The following RSRC1 variants were observed in gnomAD, a reference collection of about 807,000 sequenced individuals.
RSRC1 encodes the protein serine/Arginine-related protein 53.
Under a neutral mutation model 49.1 loss-of-function variants are expected in RSRC1, and 39 were observed. That is an observed-to-expected ratio of 0.79 (90% CI 0.61 to 1.04). The LOEUF (loss-of-function observed/expected upper bound fraction) is 1.04. RSRC1 is among the 50% of genes least tolerant of loss of function. The pLI, the probability that RSRC1 is intolerant of heterozygous loss-of-function variation, is 0.00. For missense variants in RSRC1, 388 were observed against 402.4 expected, an observed-to-expected ratio of 0.96 and a Z score of 0.31; for synonymous variants, 143 against 130.8, an observed-to-expected ratio of 1.09 and a Z score of -0.63.
rs1396942276 is a variant in RSRC1, at chr3:158,228,991, T to TGTATATGTGTGTATAAACACAC, written c.494+25746_494+25747insGTATATGTGTGTATAAACACAC. ...GTGTATATGTGTGTATAAACACACA[T>TGTATATGTGTGTATAAACACAC]ACGTGTATATGTGTGTATAAACACA... On this transcript the variant is annotated intron_variant, in intron 4 of 9. Coordinates refer to ENST00000611884, the MANE Select transcript of RSRC1 (RefSeq NM_001271838.2). Among the ~76,000 whole-genome samples, 4 of 68,816 alleles carry TGTATATGTGTGTATAAACACAC rather than the reference T, an allele frequency of 5.8e-5. 1 individual carries two copies. The highest frequency in any genetic ancestry group is 5.5e-4 in the South Asian group (1 of 1,830). 45.1% of individuals were successfully genotyped at this position (68,816 alleles called of 152,430 possible). A position where few individuals can be genotyped will look rare whatever the true frequency, so the allele number is the denominator to read the frequency against.
chr3:158,521,538 G>T (rs950350553), intron 7 of RSRC1, among the ~76,000 whole-genome samples: 1 of 151,978 alleles, frequency 6.6e-6, no homozygotes, highest in Non-Finnish European at 1.5e-5. Context: ...GATCATATTT[G>T]CACTTTAGTA....
At chr3:158,392,853 C>T (rs573676007) in intron 6 of RSRC1, among the ~76,000 whole-genome samples, 3 of 152,056 alleles carry the variant, frequency 2.0e-5, no homozygotes, top group Non-Finnish European at 2.9e-5. Flanking sequence ...GCAGAACTCT[C>T]CACCTAAAAA....
Position 158,475,723 on chromosome 3 carries a change from CCTCT to C in RSRC1, c.652+14740_652+14743del, listed in dbSNP as rs3037125. On this transcript the variant is annotated intron_variant, in intron 7 of 9. Coordinates refer to ENST00000611884, the MANE Select transcript of RSRC1 (RefSeq NM_001271838.2). ...CTGACTGCTCCACTGACTGGCTATT[CCTCT>C]CTCTCTCTCTCTCTCTCTCCCTGGC... 1.3e-3 allele frequency among the ~76,000 whole-genome samples: 190 copies of C among 148,868 alleles called. 1 individual carries two copies. The highest frequency in any genetic ancestry group is 3.9e-3 in the African/African-American group (158 of 40,624).
intron 5 of RSRC1, among the ~76,000 whole-genome samples, chr3:158,321,632 T>A (rs1361706094): frequency 6.6e-6 from 1 of 151,544 alleles, no homozygotes; most frequent in South Asian, 2.1e-4. Flanking sequence ...CTGTATTAAG[T>A]TGGTGCAAAA....
intron 4 of RSRC1, among the ~76,000 whole-genome samples, chr3:158,217,353 T>G (rs1384526499): frequency 1.3e-5 from 2 of 151,700 alleles, no homozygotes; most frequent in Non-Finnish European, 3.0e-5. Context: ...GTGACTGGGC[T>G]GGTCACTTAA....
chr3:158,436,693 A>G (rs1736059760), intron 6 of RSRC1, among the ~76,000 whole-genome samples: 1 of 151,904 alleles, frequency 6.6e-6, no homozygotes, highest in African/African-American at 2.4e-5. Context: ...CATGCATTTT[A>G]AACAATAATT....
At chr3:158,240,928 A>G (rs827172) in intron 4 of RSRC1, among the ~76,000 whole-genome samples, 93,365 of 152,012 alleles carry the variant, frequency 0.61, 29,053 homozygotes, top group East Asian at 0.73. Flanking sequence ...GAGTGAGAAA[A>G]ATCACATTTT....
intron 3 of RSRC1, among the ~76,000 whole-genome samples, chr3:158,197,796 G>A (rs1343138565): frequency 1.3e-5 from 2 of 152,104 alleles, no homozygotes; most frequent in African/African-American, 2.4e-5. Context: ...ATGTAGTTGA[G>A]CGGTTTTGAG....
chr3:158,371,018 C>G (rs367918183), intron 6 of RSRC1, among the ~76,000 whole-genome samples: 1 of 151,714 alleles, frequency 6.6e-6, no homozygotes, highest in Admixed American at 6.6e-5. Context: ...ATTTAATGTG[C>G]CTTCCTGTGG....
intron 6 of RSRC1, among the ~76,000 whole-genome samples, chr3:158,444,086 A>C (rs1560045255): frequency 6.6e-6 from 1 of 152,168 alleles, no homozygotes; most frequent in Non-Finnish European, 1.5e-5. Flanking sequence ...CAACAGATGT[A>C]ATAATAGCTA....
At chr3:158,222,285 T>A (rs773972693) in intron 4 of RSRC1, among the ~76,000 whole-genome samples, 41 of 151,528 alleles carry the variant, frequency 2.7e-4, no homozygotes, top group Non-Finnish European at 5.6e-4. Flanking sequence ...TTTCTAAGGA[T>A]CTGCTCCTAT....
At chr3:158,150,068 T>C (rs1717429995) in intron 3 of RSRC1, among the ~76,000 whole-genome samples, 1 of 152,230 alleles carries the variant, frequency 6.6e-6, no homozygotes. Flanking sequence ...GTAAACTTTT[T>C]TGTTCCAAAA....
chr3:158,252,243 GCTCCACCTCCCGGGTT>G (rs1191988821), intron 4 of RSRC1, among the ~76,000 whole-genome samples: 2 of 151,272 alleles, frequency 1.3e-5, no homozygotes, highest in Non-Finnish European at 2.9e-5. Flanking sequence ...CTCACCGCAA[GCTCCACCTCCCGGGTT>G]CACGCCATTC....
chr3:158,499,948 T>C (rs1739517430), intron 7 of RSRC1, among the ~76,000 whole-genome samples: 1 of 152,180 alleles, frequency 6.6e-6, no homozygotes, highest in East Asian at 1.9e-4. Flanking sequence ...GTTCCAGCTC[T>C]CAGAGGGAAT....
intron 4 of RSRC1, among the ~76,000 whole-genome samples, chr3:158,250,150 T>G (rs1293726810): frequency 6.6e-6 from 1 of 152,236 alleles, no homozygotes; most frequent in Non-Finnish European, 1.5e-5. Flanking sequence ...AGGATCTCAT[T>G]CATTTTTATG....
intron 4 of RSRC1, among the ~76,000 whole-genome samples, chr3:158,283,603 T>C (rs1726311176): frequency 6.6e-6 from 1 of 152,202 alleles, no homozygotes; most frequent in Non-Finnish European, 1.5e-5. Context: ...TGTATGGTTA[T>C]TATATTTTAT....
At chr3:158,163,138 G>A (rs911954216) in intron 3 of RSRC1, among the ~76,000 whole-genome samples, 13 of 152,014 alleles carry the variant, frequency 8.6e-5, no homozygotes, top group Non-Finnish European at 1.9e-4. Context: ...CTAGTAGCTG[G>A]GATTACAGGC....
chr3:158,134,733 T>G (rs763769917), intron 3 of RSRC1, among the ~76,000 whole-genome samples: 16 of 152,212 alleles, frequency 1.1e-4, no homozygotes, highest in Non-Finnish European at 1.3e-4. Flanking sequence ...GCTTTCACTC[T>G]AAGAGTTCTA....
intron 7 of RSRC1, among the ~76,000 whole-genome samples, chr3:158,522,924 G>GA (rs1479562811): frequency 6.6e-6 from 1 of 151,984 alleles, no homozygotes; most frequent in Non-Finnish European, 1.5e-5. Flanking sequence ...GACCAAAAAA[G>GA]AAAAAACTTG....
Sources: allele counts gnomAD v4.1 joint callset (sites outside exome capture counted in the v4.1 genomes callset), GRCh38; gene constraint gnomAD v4.1.1; transcripts MANE v1.5; gene names NCBI Gene and HGNC (gene_info 2026-07-23, HGNC 2026-07-21).